ZNF804B: variants seen among roughly 807,000 people sequenced by gnomAD.
ZNF804B encodes the protein zinc finger protein 804B, also known as zinc finger 804B.
In ZNF804B, 80 loss-of-function variants were observed where a neutral mutation model predicts 101.4. The ratio of observed to expected loss-of-function variants is 0.79; its 90% CI spans 0.66 to 0.95. ZNF804B has a LOEUF of 0.95. Among genes scored for constraint, ZNF804B ranks in the 40% least tolerant of loss-of-function variants. The pLI is 0.00. For synonymous variants in ZNF804B, 622 were observed against 558.8 expected, an observed-to-expected ratio of 1.11 and a Z score of -1.59; for missense variants, 1,673 against 1,561.9, an observed-to-expected ratio of 1.07 and a Z score of -1.20.
intron 1 of ZNF804B, among the ~76,000 whole-genome samples, chr7:89,049,564 A>G (rs1024239485): frequency 2.0e-5 from 3 of 152,090 alleles, no homozygotes; most frequent in African/African-American, 7.2e-5. Flanking sequence ...CATCTGGTTT[A>G]CTTCCACAAC....
intron 1 of ZNF804B, among the ~76,000 whole-genome samples, chr7:89,088,396 C>T (rs1017553278): frequency 6.6e-6 from 1 of 151,722 alleles, no homozygotes; most frequent in Non-Finnish European, 1.5e-5. Flanking sequence ...ATATGGTAGC[C>T]ACTTGAAATC....
intron 1 of ZNF804B, among the ~76,000 whole-genome samples, chr7:88,961,020 A>G (rs1471834594): frequency 6.6e-6 from 1 of 151,426 alleles, no homozygotes; most frequent in Non-Finnish European, 1.5e-5. Context: ...TAGGAACTTC[A>G]GAGAGTTTTA....
intron 2 of ZNF804B, among the ~76,000 whole-genome samples, chr7:89,307,489 A>G (rs1790582919): frequency 6.6e-6 from 1 of 152,000 alleles, no homozygotes; most frequent in African/African-American, 2.4e-5. Context: ...TATTGGAACA[A>G]TGCAGCTCTT....
chr7:89,106,656 T>G (rs768658480), intron 1 of ZNF804B, among the ~76,000 whole-genome samples: 1 of 152,070 alleles, frequency 6.6e-6, no homozygotes, highest in Non-Finnish European at 1.5e-5. Flanking sequence ...AACTAGAAGG[T>G]AGGAAGACAA....
At chr7:89,097,502 T>A (rs1483597820) in intron 1 of ZNF804B, among the ~76,000 whole-genome samples, 2 of 152,168 alleles carry the variant, frequency 1.3e-5, no homozygotes, top group Non-Finnish European at 2.9e-5. Context: ...AAATATTAAA[T>A]AATTTAAGAG....
At chr7:89,039,566 TCA>T (rs1346884536) in intron 1 of ZNF804B, among the ~76,000 whole-genome samples, 1 of 152,030 alleles carries the variant, frequency 6.6e-6, no homozygotes, top group Non-Finnish European at 1.5e-5. Flanking sequence ...TTATTTATTC[TCA>T]CAGTTTTTTT....
At position 89,119,817 on chromosome 7, in the gene ZNF804B, C is replaced by A. The variant is rs142379150; in HGVS notation, c.109-98338C>A. On this transcript the variant is annotated intron_variant, in intron 1 of 3. Coordinates refer to ENST00000333190, the MANE Select transcript of ZNF804B (RefSeq NM_181646.5). Reference sequence around the variant, plus strand: ...TGGAAAGTTACTAAGACATAAAAATCAATTAAAAATACATAATTAAAAAAA... The same window carrying A: ...TGGAAAGTTACTAAGACATAAAAATAAATTAAAAATACATAATTAAAAAAA... Among the ~76,000 whole-genome samples, 1,166 of 152,186 alleles carry A rather than the reference C, an allele frequency of 7.7e-3. 10 individuals carry two copies. Among genetic ancestry groups the A allele is most frequent in the African/African-American group, 0.026 (1,100 of 41,530 alleles).
At chr7:88,846,569 A>G (rs1282492087) in intron 1 of ZNF804B, among the ~76,000 whole-genome samples, 1 of 152,156 alleles carries the variant, frequency 6.6e-6, no homozygotes, top group Non-Finnish European at 1.5e-5. Context: ...TGACCTGGAG[A>G]AAAATAACCT....
chr7:88,901,542 A>G (rs1043222644), intron 1 of ZNF804B, among the ~76,000 whole-genome samples: 2 of 151,820 alleles, frequency 1.3e-5, no homozygotes, highest in Non-Finnish European at 3.0e-5. Context: ...GCTTAACTAG[A>G]GAAGGTATCT....
intron 1 of ZNF804B, among the ~76,000 whole-genome samples, chr7:88,950,006 A>T (rs546118222): frequency 1.6e-4 from 25 of 151,948 alleles, no homozygotes; most frequent in Non-Finnish European, 3.4e-4. Context: ...TTATTAAGCA[A>T]TGCATGACTT....
intron 1 of ZNF804B, among the ~76,000 whole-genome samples, chr7:89,135,846 T>C (rs1030984762): frequency 7.2e-5 from 11 of 151,998 alleles, no homozygotes; most frequent in African/African-American, 2.7e-4. Flanking sequence ...TGATGTTCTA[T>C]AAGAGAGAAG....
intron 2 of ZNF804B, among the ~76,000 whole-genome samples, chr7:89,277,151 AAT>A (rs1479839132): frequency 6.1e-5 from 9 of 148,734 alleles, no homozygotes; most frequent in African/African-American, 2.2e-4. Flanking sequence ...TAAACACATA[AAT>A]ATAAAATGTT....
In ZNF804B at chr7:88,890,444, A is replaced by T. The variant is rs138360594; in HGVS notation, c.108+130360A>T. 2.3e-4 allele frequency among the ~76,000 whole-genome samples: 35 copies of T among 152,250 alleles called. No homozygotes were observed. In the East Asian group the frequency reaches 6.6e-3, roughly 29 times the overall value. On this transcript the variant is annotated intron_variant, in intron 1 of 3. Coordinates refer to ENST00000333190, the MANE Select transcript of ZNF804B (RefSeq NM_181646.5). ...GGTAAGACCATGTTCAGCTTTGTAA[A>T]TTGCCAAAATGTCTTCCAAAGTGGC...
At position 89,132,875 on chromosome 7, in the gene ZNF804B, G is replaced by A. The variant is rs6952249; in HGVS notation, c.109-85280G>A. Among the ~76,000 whole-genome samples, 352 of 152,130 alleles carry A rather than the reference G, an allele frequency of 2.3e-3. 2 individuals are homozygous for A. The highest frequency in any genetic ancestry group is 7.6e-3 in the African/African-American group (316 of 41,540). ...TCCTTATTCCCAACCACAGTGCTGA[G>A]AGGGAAACATCATTTCTCTCACTTT... On this transcript the variant is annotated intron_variant, in intron 1 of 3. Coordinates refer to ENST00000333190, the MANE Select transcript of ZNF804B (RefSeq NM_181646.5).
intron 1 of ZNF804B, among the ~76,000 whole-genome samples, chr7:88,786,571 T>C (rs1308434167): frequency 1.3e-5 from 2 of 152,110 alleles, no homozygotes; most frequent in Non-Finnish European, 2.9e-5. Flanking sequence ...TTATTCTGTT[T>C]TTCTTTCCTA....
Position 89,165,603 on chromosome 7 carries a change from C to T in ZNF804B, c.109-52552C>T, listed in dbSNP as rs566806312. On this transcript the variant is annotated intron_variant, in intron 1 of 3. Coordinates refer to ENST00000333190, the MANE Select transcript of ZNF804B (RefSeq NM_181646.5). ...GGAAGACATATGTGCAAACCCATGT[C>T]ATGCTAAAATTAATAAACACACTGT... Among the ~76,000 whole-genome samples the T allele has an allele frequency of 2.0e-4, 30 of 152,086 alleles. No individual in the cohort carries two copies. The South Asian group carries it at 6.2e-3, about 32-fold the overall frequency.
intron 1 of ZNF804B, among the ~76,000 whole-genome samples, chr7:89,063,993 G>T (rs527520233): frequency 6.6e-6 from 1 of 152,108 alleles, no homozygotes; most frequent in Non-Finnish European, 1.5e-5. Context: ...TAGAGTTGGT[G>T]GTTGTGTCAG....
chr7:89,154,875 CA>C (rs1790933404), intron 1 of ZNF804B, among the ~76,000 whole-genome samples: 1 of 151,682 alleles, frequency 6.6e-6, no homozygotes. Flanking sequence ...TATAAATATA[CA>C]TTTAAAAAAT....
intron 1 of ZNF804B, among the ~76,000 whole-genome samples, chr7:89,066,429 A>C (rs1384453420): frequency 6.6e-6 from 1 of 152,100 alleles, no homozygotes; most frequent in Non-Finnish European, 1.5e-5. Flanking sequence ...GAGGGGAATC[A>C]GTGTTCAAAA....
Sources: gnomAD v4.1 joint callset for allele counts (sites outside exome capture counted in the v4.1 genomes callset) on GRCh38, gnomAD v4.1.1 for gene constraint, MANE v1.5 for transcripts, NCBI Gene and HGNC (gene_info 2026-07-23, HGNC 2026-07-21) for gene names.